The following CD44 variants were observed in gnomAD, a reference collection of about 807,000 sequenced individuals.
The protein encoded by CD44 is CD44 molecule (IN blood group), also known as CD44 antigen.
Under a neutral mutation model 88.8 loss-of-function variants are expected in CD44, and 49 were observed. The observed-to-expected ratio is 0.55, with a 90% CI of 0.44 to 0.70. The LOEUF (loss-of-function observed/expected upper bound fraction) is 0.70, where lower values mean the gene tolerates loss of function less well. Ranked by LOEUF, CD44 falls within the 30% of genes least tolerant of loss-of-function variation. The pLI, the probability that CD44 is intolerant of heterozygous loss-of-function variation, is 0.00. For missense variants in CD44, 883 were observed against 913.8 expected (o/e 0.97, Z 0.43); for synonymous variants, 325 against 312.3 (o/e 1.04, Z -0.43).
At chr11:35,166,629 G>A (rs1158630153) in intron 1 of CD44, among the ~76,000 whole-genome samples, 2 of 152,242 alleles carry the variant, frequency 1.3e-5, no homozygotes, top group Admixed American at 1.3e-4. Context: ...TGCCATGACA[G>A]GCTCCAGGCT....
intron 1 of CD44, among the ~76,000 whole-genome samples, chr11:35,145,340 G>T (rs1858906913): frequency 6.6e-6 from 1 of 152,224 alleles, no homozygotes; most frequent in Admixed American, 6.5e-5. Context: ...CATGCTGTCA[G>T]TATGGGCTAA....
chr11:35,195,267 A>G (rs7947433), intron 5 of CD44, among the ~76,000 whole-genome samples: 73,980 of 152,066 alleles, frequency 0.49, 19,488 homozygotes, highest in East Asian at 0.77. Context: ...GCAGAGGGGG[A>G]TAATAAACAT....
chr11:35,188,464 T>C (rs1326645218), intron 4 of CD44, among the ~76,000 whole-genome samples: 2 of 152,222 alleles, frequency 1.3e-5, no homozygotes, highest in Non-Finnish European at 2.9e-5. Context: ...ATGTCTAATG[T>C]ATGTCCAGCC....
intron 5 of CD44, among the ~76,000 whole-genome samples, chr11:35,194,984 G>A (rs1946595549): frequency 6.6e-6 from 1 of 152,192 alleles, no homozygotes; most frequent in South Asian, 2.1e-4. Flanking sequence ...TCTCATCAAA[G>A]TGTAGGCCCT....
chr11:35,201,518 T>C (rs1412423477), intron 8 of CD44, 153 bp from the exon 9 acceptor site: 1 of 781,866 alleles, frequency 1.3e-6, no homozygotes, highest in East Asian at 2.7e-5. Context: ...TTGAGACCAA[T>C]TAGGTAAAGT....
intron 1 of CD44, among the ~76,000 whole-genome samples, chr11:35,174,011 A>G (rs1293648556): frequency 7.2e-6 from 1 of 138,756 alleles, no homozygotes. Flanking sequence ...CATAAATAAT[A>G]CATACATACA....
intron 17 of CD44, chr11:35,222,409 C>G (rs781424071): frequency 1.5e-6 from 2 of 1,298,608 alleles, no homozygotes; most frequent in South Asian, 2.5e-5. Context: ...AAGAAGAGCA[C>G]TGTTTCATCG....
Position 35,189,839 on chromosome 11 carries a change from T to C in CD44, c.441T>C (p.Ile147=), listed in dbSNP as rs1173859112. 2.5e-6 allele frequency: 4 copies of C among 1,610,972 alleles called. No individual in the cohort carries two copies. The highest frequency in any genetic ancestry group is 3.4e-6 in the Non-Finnish European group (4 of 1,177,510). The change falls in exon 5 of 18, where the codon ATT becomes ATC. Residue 147 remains isoleucine (I), a synonymous_variant. Coordinates refer to ENST00000428726, the MANE Select transcript of CD44 (RefSeq NM_000610.4). ...NAFDGPITIT[I]VNRDGTRYVQ... ...AGTACCTTTTCTCTCTCCCAGCTAT[T>C]GTTAACCGTGATGGCACCCGCTATG...
intron 1 of CD44, chr11:35,139,588 G>A (rs758958637): frequency 1.2e-5 from 9 of 762,172 alleles, no homozygotes; most frequent in Non-Finnish European, 1.9e-5. Context: ...AAGAGAAAGA[G>A]AAGAAAGTTT....
chr11:35,155,497 G>A (rs1460957115), intron 1 of CD44, among the ~76,000 whole-genome samples: 2 of 152,112 alleles, frequency 1.3e-5, no homozygotes, highest in African/African-American at 4.8e-5. Flanking sequence ...TCACATGGGG[G>A]ACACACTGCA....
intron 17 of CD44, 151 bp from the exon 18 acceptor site, chr11:35,228,978 A>T: frequency 1.6e-6 from 1 of 633,670 alleles, no homozygotes; most frequent in Non-Finnish European, 2.7e-6. Context: ...GTTAGTTGTT[A>T]AAGTAGAGAA....
At chr11:35,151,851 A>G (rs1860385858) in intron 1 of CD44, among the ~76,000 whole-genome samples, 1 of 152,128 alleles carries the variant, frequency 6.6e-6, no homozygotes, top group African/African-American at 2.4e-5. Flanking sequence ...TTTTGTTAGG[A>G]TTCACTCCCA....
intron 1 of CD44, among the ~76,000 whole-genome samples, chr11:35,140,202 C>T (rs1377470645): frequency 6.6e-6 from 1 of 152,216 alleles, no homozygotes; most frequent in Non-Finnish European, 1.5e-5. Flanking sequence ...GGAGCTAGGG[C>T]TCCAATATCT....
intron 1 of CD44, among the ~76,000 whole-genome samples, chr11:35,160,793 A>C (rs1942495262): frequency 6.6e-6 from 1 of 152,238 alleles, no homozygotes; most frequent in South Asian, 2.1e-4. Context: ...ACTAAATGGC[A>C]GACACTGGGG....
At chr11:35,192,198 C>T (rs1946333058) in intron 5 of CD44, among the ~76,000 whole-genome samples, 1 of 152,210 alleles carries the variant, frequency 6.6e-6, no homozygotes, top group Admixed American at 6.5e-5. Context: ...ACTAATGAGT[C>T]TACCAAATGA....
intron 5 of CD44, 96 bp downstream of exon 5, chr11:35,190,161 C>A: frequency 1.9e-6 from 2 of 1,062,526 alleles, no homozygotes; most frequent in South Asian, 1.4e-5. Context: ...CTGATTTTCT[C>A]GTCTCTAGAC....
chr11:35,196,895 C>A (rs1490711047), intron 6 of CD44, 21 bp downstream of exon 6: 7 of 1,609,598 alleles, frequency 4.3e-6, no homozygotes, highest in Middle Eastern at 1.7e-4. Context: ...ATTATTATCT[C>A]ATAGCGTATG....
chr11:35,166,712 G>C (rs1218246805), intron 1 of CD44, among the ~76,000 whole-genome samples: 1 of 152,230 alleles, frequency 6.6e-6, no homozygotes, highest in Non-Finnish European at 1.5e-5. Flanking sequence ...GCATTTCTAA[G>C]TGCCAAGTGA....
chr11:35,180,572 A>G (rs1944891198), intron 3 of CD44, among the ~76,000 whole-genome samples, 165 bp downstream of exon 3: 2 of 152,206 alleles, frequency 1.3e-5, no homozygotes, highest in Non-Finnish European at 1.5e-5. Context: ...CTTACATGCT[A>G]AATTGGGGAG....
Sources: gnomAD v4.1 joint callset for allele counts (sites outside exome capture counted in the v4.1 genomes callset) on GRCh38, gnomAD v4.1.1 for gene constraint, MANE v1.5 for transcripts, NCBI Gene and HGNC (gene_info 2026-07-23, HGNC 2026-07-21) for gene names.